Variants in SRGAP2C observed in about 807,000 individuals in gnomAD.
SRGAP2C encodes SLIT-ROBO Rho GTPase-activating protein 2C.
SRGAP2C carries 15 observed loss-of-function variants against 25.1 expected under a neutral mutation model. The ratio of observed to expected loss-of-function variants is 0.60; its 90% CI spans 0.40 to 0.92. The LOEUF (loss-of-function observed/expected upper bound fraction) is 0.92. Among genes scored for constraint, SRGAP2C ranks in the 40% least tolerant of loss-of-function variants. The probability of loss-of-function intolerance (pLI) is 0.00; values close to 1 mark genes in which losing one functional copy is unlikely to be tolerated. For missense variants in SRGAP2C, 144 were observed against 264.4 expected (o/e 0.54, Z 3.16); for synonymous variants, 44 against 96.6 (o/e 0.46, Z 3.19).
At chr1:121,306,973 T>A (rs1453557894) in intron 3 of SRGAP2C, among the ~76,000 whole-genome samples, 2 of 151,430 alleles carry the variant, frequency 1.3e-5, no homozygotes, top group African/African-American at 4.9e-5. Flanking sequence ...TGTTATTCTT[T>A]TTTTTGTTGA....
intron 4 of SRGAP2C, among the ~76,000 whole-genome samples, chr1:121,340,256 G>C (rs1332537421): frequency 4.0e-5 from 6 of 151,548 alleles, no homozygotes; most frequent in Non-Finnish European, 8.9e-5. Context: ...TCATTTTGAG[G>C]GTGGAGAGTA....
In SRGAP2C at chr1:121,389,087, AT is replaced by A. The variant is rs1257510327; in HGVS notation, c.*1233del. ...CATATTTATAATTTTATTCTAAAAA[AT>A]AGGACACTGCTGTACATATTGTTTT... On this transcript the variant is annotated 3_prime_UTR_variant, in exon 10 of 10. Transcript: ENST00000367123. The A allele has an allele frequency of 2.0e-5, 3 of 152,066 alleles. No individual in the cohort carries two copies. Among genetic ancestry groups the A allele is most frequent in the African/African-American group, 7.2e-5 (3 of 41,448 alleles). 9.4% of individuals were successfully genotyped at this position (152,066 alleles called of 1,614,324 possible). A position where few individuals can be genotyped will look rare whatever the true frequency, so the allele number is the denominator to read the frequency against.
intron 2 of SRGAP2C, among the ~76,000 whole-genome samples, chr1:121,211,102 A>G (rs587763694): frequency 1.4e-3 from 217 of 150,142 alleles, no homozygotes; most frequent in African/African-American, 5.0e-3. Flanking sequence ...AGGATAGTGA[A>G]GGATCCTTCT....
chr1:121,223,369 G>A (rs80240453), intron 2 of SRGAP2C, among the ~76,000 whole-genome samples: 20 of 104,192 alleles, frequency 1.9e-4, no homozygotes, highest in African/African-American at 8.3e-4. Flanking sequence ...GTGTGTGTGT[G>A]TGTGTGTGTG....
chr1:121,332,008 A>G (rs1658443903), intron 4 of SRGAP2C, among the ~76,000 whole-genome samples: 1 of 136,462 alleles, frequency 7.3e-6, no homozygotes, highest in Non-Finnish European at 1.6e-5. Context: ...AATGCTTTAT[A>G]ACATTTTTAT....
chr1:121,249,546 CTATATATATATATATA>C (rs1181025618), intron 2 of SRGAP2C, among the ~76,000 whole-genome samples: 9 of 40,154 alleles, frequency 2.2e-4, no homozygotes, highest in East Asian at 5.0e-3. Flanking sequence ...TGAACATGGA[CTATATATATATATATA>C]TATATATATA....
chr1:121,200,094 C>CT, intron 2 of SRGAP2C, among the ~76,000 whole-genome samples: 2 of 150,460 alleles, frequency 1.3e-5, no homozygotes, highest in Middle Eastern at 3.4e-3. Context: ...CTTGATGGGC[C>CT]TACAGGTGAA....
At chr1:121,337,305 G>A (rs1658540533) in intron 4 of SRGAP2C, among the ~76,000 whole-genome samples, 1 of 109,166 alleles carries the variant, frequency 9.2e-6, no homozygotes, top group South Asian at 2.7e-4. Context: ...GCTACTTTTT[G>A]TCATCTCTGT....
intron 3 of SRGAP2C, among the ~76,000 whole-genome samples, chr1:121,303,401 C>T (rs1361654542): frequency 6.6e-6 from 1 of 151,184 alleles, no homozygotes; most frequent in Non-Finnish European, 1.5e-5. Context: ...TCCCTTCAAG[C>T]TGGCTTCTGT....
chr1:121,328,895 AAAAAAAAAAAC>A lies in SRGAP2C; in HGVS notation c.423+4262_423+4272del, dbSNP rs1182217040. ...GAGCCAGACCCTGTCTGTTTAAAAA[AAAAAAAAAAAC>A]AAAAAACAAAAAACAAAACAGAGGG... On this transcript the variant is annotated intron_variant, in intron 4 of 9. Transcript: ENST00000367123. 9.0e-3 allele frequency among the ~76,000 whole-genome samples: 303 copies of A among 33,636 alleles called. 4 individuals are homozygous for A. The highest frequency in any genetic ancestry group is 0.015 in the African/African-American group (281 of 19,250). 22.1% of individuals were successfully genotyped at this position (33,636 alleles called of 152,430 possible). A position where few individuals can be genotyped will look rare whatever the true frequency, so the allele number is the denominator to read the frequency against.
intron 4 of SRGAP2C, among the ~76,000 whole-genome samples, chr1:121,337,599 T>G (rs1658545261): frequency 1.3e-5 from 2 of 151,466 alleles, no homozygotes; most frequent in East Asian, 1.9e-4. Context: ...GCCATTGTAC[T>G]CCAGCATGGG....
At chr1:121,337,634 A>AAAAT (rs1553342625) in intron 4 of SRGAP2C, among the ~76,000 whole-genome samples, 80,138 of 143,070 alleles carry the variant, frequency 0.56, 22,773 homozygotes, top group East Asian at 0.79. Flanking sequence ...TCCGACTCAA[A>AAAAT]AAATAAATAA....
intron 5 of SRGAP2C, among the ~76,000 whole-genome samples, chr1:121,370,800 T>A (rs1321130398): frequency 6.7e-6 from 1 of 149,902 alleles, no homozygotes; most frequent in African/African-American, 2.5e-5. Flanking sequence ...ATCCCACTGC[T>A]ACTTATTTCT....
chr1:121,298,064 A>G (rs1657633294), intron 3 of SRGAP2C, among the ~76,000 whole-genome samples: 1 of 152,076 alleles, frequency 6.6e-6, no homozygotes, highest in Admixed American at 6.6e-5. Context: ...GTGGGCCCTC[A>G]TGAATGACAA....
chr1:121,301,436 G>GTTGTTGT (rs1453823214), intron 3 of SRGAP2C, among the ~76,000 whole-genome samples: 27 of 149,032 alleles, frequency 1.8e-4, no homozygotes, highest in Non-Finnish European at 8.9e-5. Flanking sequence ...ATTTTTTGTT[G>GTTGTTGT]TTGTTGTTTT....
At chr1:121,309,420 C>A (rs1237056842) in intron 3 of SRGAP2C, among the ~76,000 whole-genome samples, 7 of 107,146 alleles carry the variant, frequency 6.5e-5, no homozygotes, top group Non-Finnish European at 1.2e-4. Context: ...TACACTGAAT[C>A]ATTCCTTTTT....
At chr1:121,223,054 ACTT>A (rs1388340303) in intron 2 of SRGAP2C, among the ~76,000 whole-genome samples, 3 of 152,006 alleles carry the variant, frequency 2.0e-5, no homozygotes, top group Non-Finnish European at 4.4e-5. Context: ...TAAGATAAAG[ACTT>A]CTTCTTCCGA....
Position 121,260,198 on chromosome 1 carries a change from G to A in SRGAP2C, c.68-24605G>A, listed in dbSNP as rs587593574. Among the ~76,000 whole-genome samples the A allele has an allele frequency of 2.1e-3, 316 of 149,340 alleles. 2 individuals are homozygous for A. Among genetic ancestry groups the A allele is most frequent in the Non-Finnish European group, 3.7e-3 (249 of 67,148 alleles). Reference sequence around the variant, plus strand: ...TGCATTTTAAAATAAGGGGTAGGGAGCTTTTAGATGAGGCCTCATGGAATA... The same window carrying A: ...TGCATTTTAAAATAAGGGGTAGGGAACTTTTAGATGAGGCCTCATGGAATA... On this transcript the variant is annotated intron_variant, in intron 2 of 9. Coordinates refer to ENST00000367123, the MANE Select transcript of SRGAP2C (RefSeq NM_001329984.2).
intron 8 of SRGAP2C, among the ~76,000 whole-genome samples, chr1:121,383,332 TAGA>T (rs1304227933): frequency 1.3e-5 from 2 of 150,384 alleles, no homozygotes; most frequent in East Asian, 4.0e-4. Flanking sequence ...GTGGTGAGGC[TAGA>T]AGAAATGAGA....
Sources: gnomAD v4.1 joint callset for allele counts (sites outside exome capture counted in the v4.1 genomes callset) on GRCh38, gnomAD v4.1.1 for gene constraint, MANE v1.5 for transcripts, NCBI Gene and HGNC (gene_info 2026-07-23, HGNC 2026-07-21) for gene names.